Variants in DPP6 observed in about 807,000 individuals in gnomAD.
The protein encoded by DPP6 is A-type potassium channel modulatory protein DPP6.
Under a neutral mutation model 122.6 loss-of-function variants are expected in DPP6, and 69 were observed. The observed-to-expected ratio is 0.56, with a 90% confidence interval of 0.46 to 0.69. DPP6 has a LOEUF of 0.69. Among genes scored for constraint, DPP6 ranks in the 30% least tolerant of loss-of-function variants. DPP6 has a pLI of 0.00. For synonymous variants in DPP6, 418 were observed against 433.1 expected (o/e 0.97, Z 0.43); for missense variants, 928 against 1,116.9 (o/e 0.83, Z 2.41).
intron 1 of DPP6, among the ~76,000 whole-genome samples, chr7:154,309,125 T>G (rs767564325): frequency 6.6e-6 from 1 of 152,120 alleles, no homozygotes; most frequent in Non-Finnish European, 1.5e-5. Flanking sequence ...CCTCAAAAGA[T>G]CTCCAGAAAA....
At chr7:154,240,269 C>T (rs1005740732) in intron 1 of DPP6, among the ~76,000 whole-genome samples, 4 of 152,042 alleles carry the variant, frequency 2.6e-5, no homozygotes, top group African/African-American at 7.2e-5. Context: ...ATACTGCCAG[C>T]GTAGATTGTC....
chr7:154,356,683 C>A (rs1036871573), intron 1 of DPP6, among the ~76,000 whole-genome samples: 9 of 152,006 alleles, frequency 5.9e-5, no homozygotes, highest in Non-Finnish European at 1.0e-4. Context: ...TCAATCATTT[C>A]AAAAATTACA....
intron 1 of DPP6, among the ~76,000 whole-genome samples, chr7:153,891,055 T>A (rs573882090): frequency 1.5e-5 from 2 of 131,412 alleles, no homozygotes; most frequent in South Asian, 2.6e-4. Flanking sequence ...GGAGTCTCAC[T>A]CTGTCACCCA....
At chr7:154,645,155 C>T (rs1233990453) in intron 6 of DPP6, among the ~76,000 whole-genome samples, 3 of 151,068 alleles carry the variant, frequency 2.0e-5, no homozygotes, top group East Asian at 1.9e-4. Flanking sequence ...CTCCGCCTCC[C>T]AGGTTCACAC....
chr7:154,225,234 C>T (rs761066292), intron 1 of DPP6, among the ~76,000 whole-genome samples: 25 of 152,074 alleles, frequency 1.6e-4, no homozygotes, highest in Non-Finnish European at 1.8e-4. Flanking sequence ...CTTTATACCT[C>T]GAATCCCTTT....
chr7:154,311,508 A>AAAG (rs1563456129), intron 1 of DPP6, among the ~76,000 whole-genome samples: 1 of 151,928 alleles, frequency 6.6e-6, no homozygotes, highest in African/African-American at 2.4e-5. Context: ...ACAAAAAAAA[A>AAAG]AAAGAAAAAG....
intron 1 of DPP6, chr7:154,305,367 T>C (rs572656047): frequency 0.014 from 3,326 of 234,016 alleles, 7 homozygotes; most frequent in Non-Finnish European, 0.016. Context: ...CTCCCCAAAA[T>C]AGCCTTGTGA....
chr7:154,574,743 G>A (rs1253510646), intron 5 of DPP6, among the ~76,000 whole-genome samples: 5 of 143,262 alleles, frequency 3.5e-5, no homozygotes, highest in Non-Finnish European at 7.6e-5. Flanking sequence ...TGTGGTGTGT[G>A]TATGTGTGTT....
chr7:154,763,951 C>T (rs1795735765), intron 8 of DPP6, among the ~76,000 whole-genome samples: 2 of 143,626 alleles, frequency 1.4e-5, no homozygotes, highest in African/African-American at 5.2e-5. Flanking sequence ...CACCCCTGTG[C>T]CCTTTCTGCT....
At chr7:154,360,551 A>C (rs1811641791) in intron 1 of DPP6, among the ~76,000 whole-genome samples, 1 of 152,222 alleles carries the variant, frequency 6.6e-6, no homozygotes, top group South Asian at 2.1e-4. Flanking sequence ...TACCTCTGAA[A>C]ACTTGATTTA....
chr7:154,771,546 C>A (rs1796250734), intron 9 of DPP6, among the ~76,000 whole-genome samples: 1 of 152,206 alleles, frequency 6.6e-6, no homozygotes, highest in South Asian at 2.1e-4. Context: ...TAGCATCACA[C>A]TGGGGGTTAG....
the DPP6 span, among the ~76,000 whole-genome samples, chr7:153,813,646 T>G: frequency 6.6e-6 from 1 of 152,028 alleles, no homozygotes; most frequent in Non-Finnish European, 1.5e-5. Flanking sequence ...CCACCAACAG[T>G]GTAAAAGTGT....
chr7:154,807,394 T>C (rs968444019), intron 16 of DPP6, among the ~76,000 whole-genome samples: 1 of 152,264 alleles, frequency 6.6e-6, no homozygotes, highest in Admixed American at 6.5e-5. Context: ...TTGTCTCCCA[T>C]TGTCCACAAA....
At chr7:153,799,489 C>T in the DPP6 span, among the ~76,000 whole-genome samples, 1 of 152,132 alleles carries the variant, frequency 6.6e-6, no homozygotes, top group African/African-American at 2.4e-5. Flanking sequence ...GACACTGCCC[C>T]TGCTCCCGGA....
Position 154,863,672 on chromosome 7 carries a change from G to A in DPP6, c.1715-4323G>A, listed in dbSNP as rs3893035. On this transcript the variant is annotated intron_variant, in intron 17 of 25. Transcript: ENST00000377770. The surrounding 1 kb of genome is among the most constrained non-coding windows in gnomAD (Gnocchi z 4.1). ...TCTGCAAAAATTACAAAATTTAGCC[G>A]GGCATGGTGGTGTATGCCTGTAGTC... Among the ~76,000 whole-genome samples the A allele has an allele frequency of 0.091, 13,844 of 151,924 alleles. 1,433 individuals are homozygous for A. The highest frequency in any genetic ancestry group is 0.25 in the African/African-American group (10,502 of 41,364).
chr7:154,287,577 CAG>C (rs1216145464), intron 1 of DPP6, among the ~76,000 whole-genome samples: 2 of 152,152 alleles, frequency 1.3e-5, no homozygotes, highest in African/African-American at 4.8e-5. Flanking sequence ...AACAGATCAA[CAG>C]GGGAGCTGAG....
At chr7:154,670,951 A>G (rs561156350) in intron 7 of DPP6, among the ~76,000 whole-genome samples, 6 of 152,354 alleles carry the variant, frequency 3.9e-5, no homozygotes, top group Admixed American at 1.3e-4. Flanking sequence ...TTTGAAAAGC[A>G]TATGTAACTG....
At chr7:154,768,708 T>C (rs1047240815) in intron 8 of DPP6, among the ~76,000 whole-genome samples, 2 of 152,192 alleles carry the variant, frequency 1.3e-5, no homozygotes, top group African/African-American at 4.8e-5. Context: ...AGGACACTGA[T>C]GGGCTAGGAA....
rs2150906263 is a variant in DPP6 at position 154,256,726 on chromosome 7, A to C, written c.244-189488A>C. 2.0e-5 allele frequency among the ~76,000 whole-genome samples: 3 copies of C among 152,318 alleles called. No homozygotes were observed. In the South Asian group the frequency reaches 6.2e-4, roughly 32 times the overall value. On this transcript the variant is annotated intron_variant, in intron 1 of 25. Transcript: ENST00000377770. ...AGAATCGTCATTGTGGAAAGGAGAG[A>C]AACTTAGATTCTTGATTCTCAGTAG...
Sources: allele counts gnomAD v4.1 joint callset (sites outside exome capture counted in the v4.1 genomes callset), GRCh38; gene constraint gnomAD v4.1.1; non-coding constraint Gnocchi (gnomAD v3.1); transcripts MANE v1.5; gene names NCBI Gene and HGNC (gene_info 2026-07-23, HGNC 2026-07-21).